The following CHN2 variants were observed in gnomAD, a reference collection of about 807,000 sequenced individuals.
The protein encoded by CHN2 is beta-chimaerin.
CHN2 carries 35 observed loss-of-function variants against 56.3 expected under a neutral mutation model. The observed-to-expected ratio is 0.62, with a 90% confidence interval of 0.47 to 0.82. The LOEUF (loss-of-function observed/expected upper bound fraction) is 0.82, where lower values mean the gene tolerates loss of function less well. CHN2 is among the 40% of genes least tolerant of loss of function. The pLI is 0.00. For synonymous variants in CHN2, 210 were observed against 212.8 expected (o/e 0.99, Z 0.12); for missense variants, 491 against 580.5 (o/e 0.85, Z 1.58).
chr7:29,208,397 T>C (rs147663658), intron 1 of CHN2, among the ~76,000 whole-genome samples: 124 of 152,204 alleles, frequency 8.1e-4, no homozygotes, highest in African/African-American at 2.9e-3. Flanking sequence ...TTCCTTAAGG[T>C]CTCATTCAGA....
At chr7:29,500,363 G>A (rs1157597678) in intron 9 of CHN2, among the ~76,000 whole-genome samples, 2 of 152,294 alleles carry the variant, frequency 1.3e-5, no homozygotes, top group African/African-American at 4.8e-5. Context: ...AGTGGCTAAC[G>A]CCTGTAATCC....
At chr7:29,273,359 A>ATATATATATATGTGTG (rs1562881925) in intron 1 of CHN2, among the ~76,000 whole-genome samples, 1 of 77,522 alleles carries the variant, frequency 1.3e-5, no homozygotes, top group Non-Finnish European at 2.5e-5. Context: ...ATATATATAT[A>ATATATATATATGTGTG]TATATATATA....
intron 6 of CHN2, among the ~76,000 whole-genome samples, chr7:29,467,935 CT>C (rs1204171732): frequency 6.6e-6 from 1 of 152,110 alleles, no homozygotes; most frequent in East Asian, 1.9e-4. Flanking sequence ...GATTTAGAAA[CT>C]ACCACTATGT....
At chr7:29,507,776 A>G (rs1024031676) in intron 11 of CHN2, among the ~76,000 whole-genome samples, 2 of 152,140 alleles carry the variant, frequency 1.3e-5, no homozygotes, top group Non-Finnish European at 2.9e-5. Context: ...AAATATACTA[A>G]CATTAATGAT....
intron 2 of CHN2, among the ~76,000 whole-genome samples, chr7:29,166,245 G>A (rs1184599351): frequency 6.6e-6 from 1 of 152,060 alleles, no homozygotes; most frequent in East Asian, 1.9e-4. Context: ...TGTTGACCAG[G>A]CTAGTCTCAA....
intron 1 of CHN2, among the ~76,000 whole-genome samples, chr7:29,273,127 C>T (rs1031036496): frequency 7.9e-5 from 12 of 151,578 alleles, no homozygotes; most frequent in Admixed American, 4.6e-4. Flanking sequence ...CACCCTTTAC[C>T]GCCTACTCAT....
intron 1 of CHN2, among the ~76,000 whole-genome samples, chr7:29,337,826 G>C (rs2128910277): frequency 6.6e-6 from 1 of 152,308 alleles, no homozygotes; most frequent in African/African-American, 2.4e-5. Flanking sequence ...TTGCTCTGTG[G>C]TGTGGTTGAT....
Position 29,512,951 on chromosome 7 carries a change from C to T in CHN2, c.*216C>T. ...GTGAGGGAAGCCCCTCACCTTGGGT[C>T]TTTTGCTGTGCCTCCTATGTATGTC... On this transcript the variant is annotated 3_prime_UTR_variant, in exon 13 of 13. Transcript: ENST00000222792. 2.2e-6 allele frequency: 1 copy of T among 464,240 alleles called. No individual in the cohort carries two copies. Among genetic ancestry groups the T allele is most frequent in the African/African-American group, 1.9e-5 (1 of 51,466 alleles). The allele number at this position is 464,240 out of a possible 1,614,324, so 28.8% of individuals were successfully genotyped here.
At chr7:29,363,887 G>A (rs953573973) in intron 2 of CHN2, among the ~76,000 whole-genome samples, 2 of 152,128 alleles carry the variant, frequency 1.3e-5, no homozygotes, top group Admixed American at 1.3e-4. Context: ...ATATAAACCA[G>A]GGAAGCAGGG....
chr7:29,487,576 C>G (rs1788165682), intron 7 of CHN2, among the ~76,000 whole-genome samples: 1 of 152,144 alleles, frequency 6.6e-6, no homozygotes, highest in Non-Finnish European at 1.5e-5. Context: ...AGGGAATACT[C>G]AGAACTCAGG....
In CHN2 at chr7:29,293,899, C is replaced by T. The variant is rs184996168; in HGVS notation, c.50-60726C>T. Among the ~76,000 whole-genome samples, 126 of 123,498 alleles carry T rather than the reference C, an allele frequency of 1.0e-3. No individual in the cohort carries two copies. In the East Asian group the frequency reaches 0.029, roughly 28 times the overall value. The allele number at this position is 123,498 out of a possible 152,430, so 81.0% of individuals were successfully genotyped here. ...TTTTTTTTTTTGAGACGGAGTCTCG[C>T]TGTGTCGCCCAGGCTGGACTGCAGC... On this transcript the variant is annotated intron_variant, in intron 1 of 12. Transcript: ENST00000222792.
chr7:29,213,056 A>C lies in CHN2; in HGVS notation c.49+18066A>C, dbSNP rs1182022600. 3.1e-6 allele frequency: 5 copies of C among 1,607,782 alleles called. No homozygotes were observed. In the Admixed American group the frequency reaches 6.7e-5, roughly 21 times the overall value. On this transcript the variant is annotated intron_variant, in intron 1 of 12. Coordinates refer to ENST00000222792, the MANE Select transcript of CHN2 (RefSeq NM_004067.4). The stretch of plus-strand genomic sequence containing the variant: ...GAGGAATCTCTGCAGTCCTGCATGC[A>C]GTTCCAGCCAAATTCACCTTCCAGT...
intron 6 of CHN2, among the ~76,000 whole-genome samples, chr7:29,413,289 A>T (rs565215152): frequency 2.0e-4 from 31 of 152,376 alleles, no homozygotes; most frequent in African/African-American, 7.5e-4. Flanking sequence ...TTATTTAAAA[A>T]GTCAAAGCAC....
intron 2 of CHN2, among the ~76,000 whole-genome samples, chr7:29,179,183 T>G (rs1218731805): frequency 6.6e-6 from 1 of 152,232 alleles, no homozygotes; most frequent in Non-Finnish European, 1.5e-5. Flanking sequence ...CTTATTTGTG[T>G]TAGGCCATGC....
chr7:29,358,369 G>C, intron 2 of CHN2, among the ~76,000 whole-genome samples: 1 of 152,100 alleles, frequency 6.6e-6, no homozygotes, highest in Admixed American at 6.5e-5. Flanking sequence ...TTGCACTCCA[G>C]ACTGTGCAAC....
chr7:29,359,083 A>G (rs777524354), intron 2 of CHN2, among the ~76,000 whole-genome samples: 1 of 152,174 alleles, frequency 6.6e-6, no homozygotes, highest in Non-Finnish European at 1.5e-5. Context: ...TGACACATCT[A>G]ACAAAGTCTC....
Position 29,492,007 on chromosome 7 carries a change from A to C in CHN2, c.655-3945A>C, listed in dbSNP as rs79621996. Among the ~76,000 whole-genome samples the C allele has an allele frequency of 2.8e-4, 42 of 152,290 alleles. No individual in the cohort carries two copies. The East Asian group carries it at 8.1e-3, about 29-fold the overall frequency. On this transcript the variant is annotated intron_variant, in intron 7 of 12. Coordinates refer to ENST00000222792, the MANE Select transcript of CHN2 (RefSeq NM_004067.4). The stretch of plus-strand genomic sequence containing the variant: ...ACTGCTTCTGGAAATCCTTCCTCCT[A>C]GATTCAATTTGCTTCTCACTGAAGT...
At chr7:29,346,075 G>A (rs1244680580) in intron 1 of CHN2, among the ~76,000 whole-genome samples, 1 of 152,174 alleles carries the variant, frequency 6.6e-6, no homozygotes, top group African/African-American at 2.4e-5. Context: ...GGGGAGTGCA[G>A]GGAACCAGCA....
intron 7 of CHN2, chr7:29,484,063 T>C: frequency 2.2e-6 from 1 of 457,912 alleles, no homozygotes; most frequent in Admixed American, 2.6e-5. Context: ...AGTCTTTTAT[T>C]TTCTACCCTC....
Sources: gnomAD v4.1 joint callset for allele counts (sites outside exome capture counted in the v4.1 genomes callset) on GRCh38, gnomAD v4.1.1 for gene constraint, MANE v1.5 for transcripts, NCBI Gene and HGNC (gene_info 2026-07-23, HGNC 2026-07-21) for gene names.